The following HIPK2 variants were observed in gnomAD, a reference collection of about 807,000 sequenced individuals.
HIPK2 encodes the protein homeodomain-interacting protein kinase 2.
Under a neutral mutation model 113.7 loss-of-function variants are expected in HIPK2, and 27 were observed. The observed-to-expected ratio is 0.24, with a 90% CI of 0.17 to 0.33. The LOEUF is 0.33. Ranked by LOEUF, HIPK2 falls within the 10% of genes least tolerant of loss-of-function variation. HIPK2 has a pLI of 1.00. For synonymous variants in HIPK2, 631 were observed against 642.2 expected, an observed-to-expected ratio of 0.98 and a Z score of 0.26; for missense variants, 1,257 against 1,588.0, an observed-to-expected ratio of 0.79 and a Z score of 3.54.
chr7:139,729,749 C>T (rs1795715052), intron 1 of HIPK2, among the ~76,000 whole-genome samples: 1 of 152,168 alleles, frequency 6.6e-6, no homozygotes, highest in Non-Finnish European at 1.5e-5. Flanking sequence ...CAGAGGAATT[C>T]CATTTAAATC....
Position 139,717,121 on chromosome 7 carries a change from T to G in HIPK2, c.20-106A>C, listed in dbSNP as rs866942270. On this transcript the variant is annotated intron_variant, in intron 1 of 14. Transcript: ENST00000406875. ...TCTGTGGCTTGGGCCATACAGAATA[T>G]ATTCCTCCCACTTGAAAACAAGGTT... 82 of 1,341,048 alleles carry G rather than the reference T, an allele frequency of 6.1e-5. No homozygotes were observed. The Middle Eastern group carries it at 4.5e-3, about 73-fold the overall frequency. 83.1% of individuals were successfully genotyped at this position (1,341,048 alleles called of 1,614,324 possible). A position where few individuals can be genotyped will look rare whatever the true frequency, so the allele number is the denominator to read the frequency against.
chr7:139,771,962 T>C (rs1444553693), intron 1 of HIPK2, among the ~76,000 whole-genome samples: 4 of 152,204 alleles, frequency 2.6e-5, no homozygotes, highest in Non-Finnish European at 5.9e-5. Context: ...GTTAATAGAA[T>C]ACTGGAATTG....
At chr7:139,680,961 G>T (rs1256282543) in intron 2 of HIPK2, among the ~76,000 whole-genome samples, 1 of 152,236 alleles carries the variant, frequency 6.6e-6, no homozygotes, top group Non-Finnish European at 1.5e-5. Context: ...CGTGCCATGG[G>T]TTTCCTGTGG....
At chr7:139,775,199 C>G (rs1796719763) in intron 1 of HIPK2, among the ~76,000 whole-genome samples, 1 of 152,276 alleles carries the variant, frequency 6.6e-6, no homozygotes, top group South Asian at 2.1e-4. Context: ...AAGCTCTGCT[C>G]GTTTAGCATG....
chr7:139,616,397 T>C (rs983440842), intron 7 of HIPK2, among the ~76,000 whole-genome samples: 3 of 152,204 alleles, frequency 2.0e-5, no homozygotes, highest in Admixed American at 6.5e-5. Context: ...TTGATGAACA[T>C]GGTATGCGCC....
chr7:139,619,772 G>T (rs1800173307), intron 7 of HIPK2, among the ~76,000 whole-genome samples: 1 of 151,888 alleles, frequency 6.6e-6, no homozygotes, highest in African/African-American at 2.4e-5. Flanking sequence ...CTTTTTCTTT[G>T]TTTTTTGAGA....
chr7:139,704,019 C>A (rs1412118527), intron 2 of HIPK2, among the ~76,000 whole-genome samples: 8 of 135,320 alleles, frequency 5.9e-5, no homozygotes, highest in African/African-American at 2.2e-4. Context: ...TATACCCCCT[C>A]CACACCCACA....
intron 2 of HIPK2, among the ~76,000 whole-genome samples, chr7:139,689,636 C>A (rs1054519012): frequency 1.3e-5 from 2 of 152,124 alleles, no homozygotes; most frequent in African/African-American, 2.4e-5. Flanking sequence ...ATGAGCCCAG[C>A]CTGGAACTTT....
At chr7:139,706,400 G>A (rs529183506) in intron 2 of HIPK2, among the ~76,000 whole-genome samples, 1 of 152,332 alleles carries the variant, frequency 6.6e-6, no homozygotes, top group African/African-American at 2.4e-5. Flanking sequence ...AAGAAACTGG[G>A]CATGCGAGGG....
chr7:139,634,674 G>GTTTTTTTTTTTTTTTTTT lies in HIPK2; in HGVS notation c.1104-2967_1104-2950dup, dbSNP rs1181829827. On this transcript the variant is annotated intron_variant, in intron 2 of 14. Coordinates refer to ENST00000406875, the MANE Select transcript of HIPK2 (RefSeq NM_022740.5). The stretch of plus-strand genomic sequence containing the variant: ...AAAAAGAAGGGACTATCTGTTTCAG[G>GTTTTTTTTTTTTTTTTTT]TTTTTTTTTTTTTTTTTTTTTGAGA... Among the ~76,000 whole-genome samples the GTTTTTTTTTTTTTTTTTT allele has an allele frequency of 2.2e-4, 25 of 113,624 alleles. 2 individuals carry two copies. The highest frequency in any genetic ancestry group is 6.8e-4 in the African/African-American group (17 of 24,858). The allele number at this position is 113,624 out of a possible 152,430, so 74.5% of individuals were successfully genotyped here.
Position 139,683,968 on chromosome 7 carries a change from T to TTTA in HIPK2, c.1103+31963_1103+31964insTAA, listed in dbSNP as rs1274479489. Among the ~76,000 whole-genome samples the TTTA allele has an allele frequency of 6.6e-6, 1 of 151,942 alleles. No individual in the cohort carries two copies. Among genetic ancestry groups the TTTA allele is most frequent in the Non-Finnish European group, 1.5e-5 (1 of 67,964 alleles). On this transcript the variant is annotated intron_variant, in intron 2 of 14. Coordinates refer to ENST00000406875, the MANE Select transcript of HIPK2 (RefSeq NM_022740.5). The surrounding 1 kb of genome is among the most constrained non-coding windows in gnomAD (Gnocchi z 4.2). ...TTGCAGATACCATGATTTTTTTTTT[T>TTTA]TACACAAATTGAAGGTTTGTGGCAA... is the stretch of plus-strand genomic sequence containing the variant.
intron 14 of HIPK2, among the ~76,000 whole-genome samples, chr7:139,574,227 T>A (rs548346367): frequency 2.0e-5 from 3 of 152,218 alleles, no homozygotes; most frequent in Admixed American, 2.0e-4. Flanking sequence ...TTTTGAAAAT[T>A]AGCTGGGTGT....
intron 13 of HIPK2, 144 bp from the exon 14 acceptor site, chr7:139,575,432 AC>A: frequency 1.1e-6 from 1 of 912,524 alleles, no homozygotes; most frequent in East Asian, 2.7e-5. Flanking sequence ...TCTCCCCCGG[AC>A]CCACTAGGAC....
rs138959517 is a variant in HIPK2 at position 139,757,207 on chromosome 7, A to G, written c.19+20398T>C. On this transcript the variant is annotated intron_variant, in intron 1 of 14. Coordinates refer to ENST00000406875, the MANE Select transcript of HIPK2 (RefSeq NM_022740.5). ...AGGAATATTGACCAGCACAAACCAC[A>G]TATCAGTCAAAACTGCTTTTACCAG... is the stretch of plus-strand genomic sequence containing the variant. Among the ~76,000 whole-genome samples, 7 of 152,326 alleles carry G rather than the reference A, an allele frequency of 4.6e-5. No individual in the cohort carries two copies. The East Asian group carries it at 9.6e-4, about 21-fold the overall frequency.
chr7:139,613,962 C>G lies in HIPK2; in HGVS notation c.1990+324G>C, dbSNP rs1025754090. Among the ~76,000 whole-genome samples the G allele has an allele frequency of 6.6e-6, 1 of 152,060 alleles. No homozygotes were observed. Among genetic ancestry groups the G allele is most frequent in the Admixed American group, 6.6e-5 (1 of 15,262 alleles). On this transcript the variant is annotated intron_variant, in intron 8 of 14. Coordinates refer to ENST00000406875, the MANE Select transcript of HIPK2 (RefSeq NM_022740.5). The surrounding 1 kb of genome is among the most constrained non-coding windows in gnomAD (Gnocchi z 4.2). Reference sequence around the variant, plus strand: ...TAACCCACACAGAGGATATTTCATGCGAGGAAAAGCAAGAGCTGACATCAG... The same window carrying G: ...TAACCCACACAGAGGATATTTCATGGGAGGAAAAGCAAGAGCTGACATCAG...
intron 1 of HIPK2, among the ~76,000 whole-genome samples, chr7:139,731,176 AT>A (rs1795767708): frequency 6.6e-6 from 1 of 152,242 alleles, no homozygotes; most frequent in Non-Finnish European, 1.5e-5. Flanking sequence ...TACTCAAGCT[AT>A]GATAAAGTAT....
At chr7:139,705,423 C>A (rs143540741) in intron 2 of HIPK2, among the ~76,000 whole-genome samples, 7,103 of 152,072 alleles carry the variant, frequency 0.047, 559 homozygotes, top group African/African-American at 0.16. Context: ...GTCGCCCAGG[C>A]TGGAGTGCAG....
chr7:139,746,085 C>T (rs1473032599), intron 1 of HIPK2, among the ~76,000 whole-genome samples: 1 of 152,194 alleles, frequency 6.6e-6, no homozygotes, highest in African/African-American at 2.4e-5. Context: ...CCAGGGCTAC[C>T]AACTGCATCT....
intron 2 of HIPK2, among the ~76,000 whole-genome samples, chr7:139,669,015 C>G (rs4130470): frequency 0.73 from 111,279 of 152,162 alleles, 41,309 homozygotes; most frequent in East Asian, 0.87. Flanking sequence ...ATATAATGTA[C>G]TCAATTTACA....
Sources: gnomAD v4.1 joint callset for allele counts (sites outside exome capture counted in the v4.1 genomes callset) on GRCh38, gnomAD v4.1.1 for gene constraint, Gnocchi (gnomAD v3.1) non-coding constraint, MANE v1.5 for transcripts, NCBI Gene and HGNC (gene_info 2026-07-23, HGNC 2026-07-21) for gene names.